Variants in PDXDC1 observed in about 807,000 individuals in gnomAD.
PDXDC1 encodes the protein pyridoxal-dependent decarboxylase domain-containing protein 1.
Under a neutral mutation model 100.1 loss-of-function variants are expected in PDXDC1, and 42 were observed. The observed-to-expected ratio is 0.42, with a 90% CI of 0.33 to 0.54. The LOEUF (loss-of-function observed/expected upper bound fraction) is 0.54, where lower values mean the gene tolerates loss of function less well. Among genes scored for constraint, PDXDC1 ranks in the 20% least tolerant of loss-of-function variants. PDXDC1 has a pLI of 0.10. For synonymous variants in PDXDC1, 260 were observed against 371.7 expected (o/e 0.70, Z 3.46); for missense variants, 636 against 979.2 (o/e 0.65, Z 4.68).
intron 16 of PDXDC1, among the ~76,000 whole-genome samples, chr16:15,073,963 A>C (rs867581317): frequency 2.6e-5 from 4 of 152,192 alleles, no homozygotes; most frequent in Middle Eastern, 3.2e-3. Flanking sequence ...TAAAGGGCAG[A>C]TTATGAAACA....
At chr16:15,106,323 A>C in intron 16 of PDXDC1, 1 of 944,910 alleles carries the variant, frequency 1.1e-6, no homozygotes, top group Non-Finnish European at 1.6e-6. Context: ...ACATTTCCCT[A>C]TGGATTACAA....
chr16:15,061,669 C>T (rs1210923195), intron 16 of PDXDC1: 1 of 1,441,100 alleles, frequency 6.9e-7, no homozygotes, highest in East Asian at 2.3e-5. Context: ...TGCCCAATGG[C>T]ACAAGCTGGG....
intron 1 of PDXDC1, among the ~76,000 whole-genome samples, chr16:14,976,400 T>G (rs1277029842): frequency 6.6e-6 from 1 of 152,280 alleles, no homozygotes; most frequent in Non-Finnish European, 1.5e-5. Context: ...ATTGTAAAGG[T>G]TGGGCCAGAT....
chr16:15,007,413 A>T (rs1006779550), intron 6 of PDXDC1, among the ~76,000 whole-genome samples: 6 of 152,054 alleles, frequency 3.9e-5, no homozygotes, highest in Non-Finnish European at 7.4e-5. Flanking sequence ...TGGCCTCGTG[A>T]TCTGCCCACC....
At chr16:15,003,270 G>A (rs1311198915) in intron 4 of PDXDC1, among the ~76,000 whole-genome samples, 6 of 147,122 alleles carry the variant, frequency 4.1e-5, no homozygotes, top group African/African-American at 1.5e-4. Context: ...AGGCTGGAGT[G>A]CAGTGGTGCC....
At chr16:15,032,731 C>T in intron 17 of PDXDC1, 130 bp from the exon 18 acceptor site, 1 of 614,766 alleles carries the variant, frequency 1.6e-6, no homozygotes, top group African/African-American at 1.8e-5. Context: ...GGTCTGGAGA[C>T]ACTCGCAGTA....
At chr16:15,004,047 A>G (rs1199587545) in intron 4 of PDXDC1, 140 bp from the exon 5 acceptor site, 4 of 817,078 alleles carry the variant, frequency 4.9e-6, no homozygotes, top group East Asian at 2.7e-5. Flanking sequence ...CCAAACTATC[A>G]CTACTGTTTA....
chr16:14,989,057 C>A (rs1970079770), intron 1 of PDXDC1: 1 of 1,614,250 alleles, frequency 6.2e-7, no homozygotes. Flanking sequence ...AGCAGGAGAG[C>A]ATGTAATAGA....
intron 16 of PDXDC1, among the ~76,000 whole-genome samples, chr16:15,097,120 T>A (rs1217302495): frequency 6.6e-6 from 1 of 151,858 alleles, no homozygotes; most frequent in African/African-American, 2.4e-5. Flanking sequence ...TTAAAAAACT[T>A]ACCCAGGCAT....
At chr16:15,003,514 C>A (rs112284265) in intron 4 of PDXDC1, among the ~76,000 whole-genome samples, 29,707 of 146,180 alleles carry the variant, frequency 0.2, 231 homozygotes, top group Middle Eastern at 0.27. Context: ...CTGCGCCTGG[C>A]CAGGATTTAG....
the PDXDC1 span, among the ~76,000 whole-genome samples, chr16:15,145,898 G>A: frequency 3.9e-5 from 6 of 152,324 alleles, no homozygotes; most frequent in East Asian, 9.7e-4. Flanking sequence ...GGGCTGCCGT[G>A]GCCACTGCAG....
intron 16 of PDXDC1, among the ~76,000 whole-genome samples, chr16:15,111,305 A>T (rs1458400629): frequency 2.0e-5 from 3 of 146,500 alleles, no homozygotes; most frequent in Non-Finnish European, 3.0e-5. Flanking sequence ...AAAAATACAA[A>T]ATTAGCCAGG....
intron 1 of PDXDC1, among the ~76,000 whole-genome samples, chr16:14,993,972 C>T (rs1287632848): frequency 1.3e-5 from 2 of 152,090 alleles, no homozygotes; most frequent in Non-Finnish European, 2.9e-5. Context: ...TATCCTTCGC[C>T]CACTTTTTGA....
At chr16:15,072,773 A>G (rs2045291138) in intron 16 of PDXDC1, among the ~76,000 whole-genome samples, 1 of 152,226 alleles carries the variant, frequency 6.6e-6, no homozygotes, top group Admixed American at 6.5e-5. Flanking sequence ...GTCTCAAAAA[A>G]GAAAGGAAAA....
At chr16:15,044,494 C>T (rs1597782175) in intron 16 of PDXDC1, 2 of 865,566 alleles carry the variant, frequency 2.3e-6, no homozygotes, top group Non-Finnish European at 3.9e-6. Context: ...TCTCAGTTTC[C>T]ATGAACACTT....
In PDXDC1 at chr16:15,038,161, A is replaced by T. The variant is rs574727086; in HGVS notation, c.*1886A>T. On this transcript the variant is annotated 3_prime_UTR_variant, in exon 23 of 23. Coordinates refer to ENST00000396410, the MANE Select transcript of PDXDC1 (RefSeq NM_015027.4). ...TTTTAAAAACATCAAGGTAGATCTAATATGTTCAACAAAGTGGGGTGGCTC... is the reference window on the plus strand; with the variant it reads ...TTTTAAAAACATCAAGGTAGATCTATTATGTTCAACAAAGTGGGGTGGCTC... The T allele has an allele frequency of 1.2e-6, 2 of 1,613,566 alleles. No homozygotes were observed. The highest frequency in any genetic ancestry group is 1.7e-6 in the Non-Finnish European group (2 of 1,179,588).
At chr16:15,104,582 G>T (rs779033142) in intron 16 of PDXDC1, 1 of 1,599,670 alleles carries the variant, frequency 6.3e-7, no homozygotes, top group Non-Finnish European at 8.5e-7. Flanking sequence ...AGGGTGGAAG[G>T]GGATAGAGCA....
At chr16:15,094,433 A>T in intron 16 of PDXDC1, 2 of 609,608 alleles carry the variant, frequency 3.3e-6, no homozygotes, top group South Asian at 4.0e-5. Context: ...TGTTCCAGCC[A>T]GCGCTAGTGC....
At chr16:15,039,208 C>T, downstream of PDXDC1, among the ~76,000 whole-genome samples, 1 of 152,314 alleles carries the variant, frequency 6.6e-6, no homozygotes, top group East Asian at 1.9e-4. Flanking sequence ...TAGCAATATT[C>T]ACTTTGGTAA....
Sources: allele counts gnomAD v4.1 joint callset (sites outside exome capture counted in the v4.1 genomes callset), GRCh38; gene constraint gnomAD v4.1.1; transcripts MANE v1.5; gene names NCBI Gene and HGNC (gene_info 2026-07-23, HGNC 2026-07-21).